Variants in ZNF385B observed in about 807,000 individuals in gnomAD.
The protein encoded by ZNF385B is zinc finger protein 385B.
ZNF385B carries 23 observed loss-of-function variants against 39.2 expected under a neutral mutation model. The observed-to-expected ratio is 0.59, with a 90% CI of 0.42 to 0.83. The LOEUF is 0.83. Ranked by LOEUF, ZNF385B falls within the 40% of genes least tolerant of loss-of-function variation. The pLI is 0.00. For missense variants in ZNF385B, 552 were observed against 598.9 expected (o/e 0.92, Z 0.82); for synonymous variants, 205 against 222.6 (o/e 0.92, Z 0.70).
At chr2:179,690,701 T>C (rs960038611) in intron 3 of ZNF385B, among the ~76,000 whole-genome samples, 1 of 152,332 alleles carries the variant, frequency 6.6e-6, no homozygotes. Context: ...TCAAGTCACT[T>C]CATTTTTCTA....
intron 3 of ZNF385B, among the ~76,000 whole-genome samples, chr2:179,682,029 A>T (rs1697559820): frequency 6.6e-6 from 1 of 152,240 alleles, no homozygotes; most frequent in South Asian, 2.1e-4. Context: ...GTCCTCAACC[A>T]GTCACTGTTT....
intron 3 of ZNF385B, among the ~76,000 whole-genome samples, chr2:179,610,989 A>G (rs946249043): frequency 6.6e-6 from 1 of 152,154 alleles, no homozygotes. Flanking sequence ...TCTGTAAACA[A>G]GGATAATTTG....
chr2:179,510,484 C>T (rs1029950152), intron 5 of ZNF385B, among the ~76,000 whole-genome samples: 8 of 151,540 alleles, frequency 5.3e-5, no homozygotes, highest in African/African-American at 1.9e-4. Flanking sequence ...TTTGACAAAC[C>T]CATTAGGGTA....
intron 3 of ZNF385B, among the ~76,000 whole-genome samples, chr2:179,683,919 T>A (rs1349195883): frequency 6.6e-6 from 1 of 152,226 alleles, no homozygotes; most frequent in Non-Finnish European, 1.5e-5. Flanking sequence ...AATTTGTTTT[T>A]TTCTGTTTTC....
chr2:179,662,099 T>C (rs1424861833), intron 3 of ZNF385B, among the ~76,000 whole-genome samples: 1 of 152,194 alleles, frequency 6.6e-6, no homozygotes, highest in Non-Finnish European at 1.5e-5. Flanking sequence ...ATGTTCATTA[T>C]TGGAGGAATT....
At chr2:179,584,388 A>G (rs907060126) in intron 3 of ZNF385B, among the ~76,000 whole-genome samples, 1 of 152,178 alleles carries the variant, frequency 6.6e-6, no homozygotes, top group Non-Finnish European at 1.5e-5. Context: ...AATACTATAA[A>G]ATGACAAAAG....
chr2:179,788,050 A>G (rs1261164642), intron 1 of ZNF385B, among the ~76,000 whole-genome samples: 3 of 152,226 alleles, frequency 2.0e-5, no homozygotes, highest in Non-Finnish European at 4.4e-5. Context: ...TCATTTAAAC[A>G]TAGAGAGAAT....
intron 1 of ZNF385B, among the ~76,000 whole-genome samples, chr2:179,844,066 A>G (rs1179649141): frequency 6.6e-6 from 1 of 152,204 alleles, no homozygotes; most frequent in African/African-American, 2.4e-5. Flanking sequence ...CAATGAGCCC[A>G]TACTCCTTTT....
intron 3 of ZNF385B, among the ~76,000 whole-genome samples, chr2:179,764,050 G>A (rs1010635713): frequency 6.6e-6 from 1 of 152,126 alleles, no homozygotes; most frequent in Admixed American, 6.5e-5. Flanking sequence ...CAGTTGCTGA[G>A]AGTAGGTCCC....
chr2:179,842,796 T>C (rs1232988394), intron 1 of ZNF385B, among the ~76,000 whole-genome samples: 1 of 152,168 alleles, frequency 6.6e-6, no homozygotes, highest in Admixed American at 6.5e-5. Flanking sequence ...TGCTATTTCA[T>C]CTGCTTAAAA....
intron 3 of ZNF385B, among the ~76,000 whole-genome samples, chr2:179,715,389 T>C (rs17772086): frequency 1.3e-5 from 2 of 152,118 alleles, no homozygotes; most frequent in Non-Finnish European, 2.9e-5. Flanking sequence ...AGATGTCATA[T>C]ACAGAGTAAA....
intron 3 of ZNF385B, among the ~76,000 whole-genome samples, chr2:179,635,114 C>T (rs1360809597): frequency 6.6e-6 from 1 of 151,120 alleles, no homozygotes; most frequent in Non-Finnish European, 1.5e-5. Context: ...TGCACTCCAG[C>T]CTGGGCAACA....
intron 3 of ZNF385B, among the ~76,000 whole-genome samples, chr2:179,729,128 C>CAAA (rs767380342): frequency 2.5e-4 from 19 of 76,646 alleles, no homozygotes; most frequent in African/African-American, 6.3e-4. Context: ...ATTCTATTCT[C>CAAA]AAAAAAAAAA....
At chr2:179,707,186 C>T (rs559933740) in intron 3 of ZNF385B, among the ~76,000 whole-genome samples, 10 of 152,312 alleles carry the variant, frequency 6.6e-5, no homozygotes, top group East Asian at 1.9e-4. Flanking sequence ...CAGTACTGCA[C>T]GCCCGTGGAA....
chr2:179,489,271 A>C (rs1039036691), intron 5 of ZNF385B, among the ~76,000 whole-genome samples: 1 of 152,220 alleles, frequency 6.6e-6, no homozygotes, highest in Non-Finnish European at 1.5e-5. Flanking sequence ...TAGAATAGAC[A>C]TATTAAGGGA....
At chr2:179,807,753 G>A (rs1470144780) in intron 1 of ZNF385B, among the ~76,000 whole-genome samples, 1 of 151,694 alleles carries the variant, frequency 6.6e-6, no homozygotes, top group Non-Finnish European at 1.5e-5. Flanking sequence ...AAATTAGCTG[G>A]GCGTGGTGGC....
intron 1 of ZNF385B, among the ~76,000 whole-genome samples, chr2:179,807,615 G>C (rs893943942): frequency 4.0e-5 from 6 of 151,430 alleles, no homozygotes; most frequent in Non-Finnish European, 8.8e-5. Context: ...GTAAAAAAAG[G>C]CCAGGTGCGG....
intron 3 of ZNF385B, among the ~76,000 whole-genome samples, chr2:179,557,465 AT>A (rs2060983474): frequency 6.6e-6 from 1 of 151,236 alleles, no homozygotes; most frequent in Non-Finnish European, 1.5e-5. Flanking sequence ...ATAACAGTTT[AT>A]TTTATTTTAT....
chr2:179,485,016 T>C (rs921350557), intron 5 of ZNF385B, among the ~76,000 whole-genome samples: 2 of 152,126 alleles, frequency 1.3e-5, no homozygotes, highest in African/African-American at 2.4e-5. Context: ...TGTGTAGTTA[T>C]GTAGAGAAGG....
Sources: gnomAD v4.1 joint callset for allele counts (sites outside exome capture counted in the v4.1 genomes callset) on GRCh38, gnomAD v4.1.1 for gene constraint, MANE v1.5 for transcripts, NCBI Gene and HGNC (gene_info 2026-07-23, HGNC 2026-07-21) for gene names.